DLGAP2: variants seen among roughly 807,000 people sequenced by gnomAD.
DLGAP2 encodes DLG associated protein 2, also known as disks large-associated protein 2.
In DLGAP2, 26 loss-of-function variants were observed where a neutral mutation model predicts 100.3. The ratio of observed to expected loss-of-function variants is 0.26; its 90% CI spans 0.19 to 0.36. The LOEUF is 0.36. Among genes scored for constraint, DLGAP2 ranks in the 10% least tolerant of loss-of-function variants. The pLI is 1.00. For missense variants in DLGAP2, 1,858 were observed against 1,453.2 expected, an observed-to-expected ratio of 1.28 and a Z score of -4.53; for synonymous variants, 886 against 630.1, an observed-to-expected ratio of 1.41 and a Z score of -6.08.
intron 2 of DLGAP2, among the ~76,000 whole-genome samples, chr8:1,251,478 C>T (rs1047740336): frequency 2.1e-4 from 32 of 152,136 alleles, no homozygotes; most frequent in African/African-American, 7.5e-4. Context: ...TCTGTCTGTC[C>T]CCAGGCTGGA....
chr8:987,974 C>T (rs1800535881), intron 2 of DLGAP2, among the ~76,000 whole-genome samples: 2 of 152,156 alleles, frequency 1.3e-5, no homozygotes, highest in Non-Finnish European at 2.9e-5. Context: ...TCAGTGATAT[C>T]CATCAAAACA....
chr8:1,386,778 G>A (rs1217947249), intron 3 of DLGAP2, among the ~76,000 whole-genome samples: 1 of 152,062 alleles, frequency 6.6e-6, no homozygotes, highest in African/African-American at 2.4e-5. Context: ...CGGCAAGAAG[G>A]TGAGATCCAA....
intron 8 of DLGAP2, among the ~76,000 whole-genome samples, chr8:1,660,167 G>GC (rs1214963919): frequency 3.3e-5 from 5 of 152,098 alleles, no homozygotes; most frequent in Admixed American, 3.3e-4. Context: ...TTGAATATTG[G>GC]CCCCCACTCT....
rs187510574 is a variant in DLGAP2 at position 1,077,878 on chromosome 8, C to T, written c.73+169912C>T. 7.9e-5 allele frequency among the ~76,000 whole-genome samples: 12 copies of T among 152,342 alleles called. No homozygotes were observed. The South Asian group carries it at 8.3e-4, about 11-fold the overall frequency. ...CGGAGCTCACAGCTGTCTCAGCACACGCCCGTGTGCGTGCACGAGTTCTCC... is the reference window on the plus strand; with the variant it reads ...CGGAGCTCACAGCTGTCTCAGCACATGCCCGTGTGCGTGCACGAGTTCTCC... On this transcript the variant is annotated intron_variant, in intron 2 of 14. Transcript: ENST00000637795.
At chr8:1,412,060 C>G (rs979693132) in intron 3 of DLGAP2, among the ~76,000 whole-genome samples, 5 of 152,232 alleles carry the variant, frequency 3.3e-5, no homozygotes, top group Admixed American at 3.3e-4. Flanking sequence ...CCTCACCTCC[C>G]CTGGAGTCAC....
At chr8:1,550,092 A>G (rs1801709303) in intron 5 of DLGAP2, among the ~76,000 whole-genome samples, 1 of 152,152 alleles carries the variant, frequency 6.6e-6, no homozygotes, top group Non-Finnish European at 1.5e-5. Context: ...GCTGTTTCAG[A>G]TGCCACCCGT....
intron 3 of DLGAP2, among the ~76,000 whole-genome samples, chr8:1,449,474 C>T (rs995745697): frequency 1.2e-4 from 18 of 152,230 alleles, no homozygotes; most frequent in African/African-American, 2.9e-4. Flanking sequence ...TGGGACGGGA[C>T]GGCACCAGCG....
intron 2 of DLGAP2, among the ~76,000 whole-genome samples, chr8:1,146,314 C>G (rs1454634825): frequency 1.3e-5 from 2 of 152,232 alleles, no homozygotes; most frequent in Non-Finnish European, 2.9e-5. Flanking sequence ...GTCCCGTGCT[C>G]ATTTTCCTAG....
intron 2 of DLGAP2, among the ~76,000 whole-genome samples, chr8:1,217,507 A>G (rs1798237705): frequency 6.6e-6 from 1 of 152,074 alleles, no homozygotes; most frequent in African/African-American, 2.4e-5. Context: ...TGGTAGTTCT[A>G]GTTTTAGTTC....
intron 8 of DLGAP2, among the ~76,000 whole-genome samples, chr8:1,647,726 C>T (rs950778961): frequency 4.6e-5 from 7 of 152,068 alleles, no homozygotes; most frequent in Non-Finnish European, 7.4e-5. Context: ...AGTCCCCTGC[C>T]GGGTCTCTCT....
intron 2 of DLGAP2, among the ~76,000 whole-genome samples, chr8:1,100,552 G>A (rs1267547331): frequency 6.6e-6 from 1 of 151,646 alleles, no homozygotes; most frequent in Non-Finnish European, 1.5e-5. Flanking sequence ...ACAGTTTCAG[G>A]CACCCCCGGT....
chr8:1,517,226 G>C (rs1489762716), intron 4 of DLGAP2, among the ~76,000 whole-genome samples: 1 of 152,182 alleles, frequency 6.6e-6, no homozygotes, highest in Non-Finnish European at 1.5e-5. Flanking sequence ...GTGAGTTCTG[G>C]CAGCTGTGGG....
chr8:1,126,232 A>T (rs1304655236), intron 2 of DLGAP2, among the ~76,000 whole-genome samples: 1 of 152,166 alleles, frequency 6.6e-6, no homozygotes, highest in Admixed American at 6.5e-5. Context: ...TGTACCCTTT[A>T]TTCTCAAAAA....
At chr8:1,551,432 C>G (rs1584918419) in intron 5 of DLGAP2, among the ~76,000 whole-genome samples, 1 of 152,180 alleles carries the variant, frequency 6.6e-6, no homozygotes, top group Non-Finnish European at 1.5e-5. Context: ...TCACCTGCCT[C>G]CAATGCCTGC....
At chr8:783,844 A>C (rs1821765398) in intron 1 of DLGAP2, among the ~76,000 whole-genome samples, 1 of 151,960 alleles carries the variant, frequency 6.6e-6, no homozygotes, top group Non-Finnish European at 1.5e-5. Flanking sequence ...GAAGTTAGTG[A>C]CTCTAATCAA....
At chr8:1,425,137 T>C (rs891067547) in intron 3 of DLGAP2, among the ~76,000 whole-genome samples, 2 of 152,236 alleles carry the variant, frequency 1.3e-5, no homozygotes, top group South Asian at 2.1e-4. Context: ...ATTTCAGCAC[T>C]GGGTGATATA....
intron 3 of DLGAP2, among the ~76,000 whole-genome samples, chr8:1,278,462 C>T (rs959627261): frequency 7.2e-5 from 11 of 152,094 alleles, no homozygotes; most frequent in African/African-American, 2.7e-4. Context: ...AATTCCAATA[C>T]AATTAAATCC....
At chr8:1,376,808 G>A (rs549926720) in intron 3 of DLGAP2, among the ~76,000 whole-genome samples, 1 of 115,780 alleles carries the variant, frequency 8.6e-6, no homozygotes, top group Non-Finnish European at 1.9e-5. Flanking sequence ...TGTGTGGTCC[G>A]CAGGTGGGGT....
chr8:822,147 C>T (rs1178840444), intron 1 of DLGAP2: 2 of 399,576 alleles, frequency 5.0e-6, no homozygotes, highest in Non-Finnish European at 8.8e-6. Context: ...CTCGCGGCTG[C>T]TAACCCTCTG....
Sources: gnomAD v4.1 joint callset for allele counts (sites outside exome capture counted in the v4.1 genomes callset) on GRCh38, gnomAD v4.1.1 for gene constraint, MANE v1.5 for transcripts, NCBI Gene and HGNC (gene_info 2026-07-23, HGNC 2026-07-21) for gene names.